Variants in ROBO2 observed in about 807,000 individuals in gnomAD.
The protein encoded by ROBO2 is roundabout guidance receptor 2, also known as roundabout homolog 2.
In ROBO2, 53 loss-of-function variants were observed where a neutral mutation model predicts 160.8. That is an observed-to-expected ratio of 0.33 (90% CI 0.26 to 0.41). The LOEUF is 0.41. Ranked by LOEUF, ROBO2 falls within the 10% of genes least tolerant of loss-of-function variation. The pLI is 1.00. For missense variants in ROBO2, 1,577 were observed against 1,722.4 expected, an observed-to-expected ratio of 0.92 and a Z score of 1.49; for synonymous variants, 664 against 611.7, an observed-to-expected ratio of 1.09 and a Z score of -1.26.
At chr3:77,402,742 C>T (rs1581669213) in intron 2 of ROBO2, among the ~76,000 whole-genome samples, 1 of 151,974 alleles carries the variant, frequency 6.6e-6, no homozygotes, top group East Asian at 1.9e-4. Context: ...TGAGGGCAGC[C>T]CACCATAGGG....
At chr3:76,229,093 T>G (rs1486886952) in intron 2 of ROBO2, among the ~76,000 whole-genome samples, 1 of 151,866 alleles carries the variant, frequency 6.6e-6, no homozygotes, top group Non-Finnish European at 1.5e-5. Flanking sequence ...GTATATCAGT[T>G]TCCACAATTT....
intron 2 of ROBO2, among the ~76,000 whole-genome samples, chr3:76,247,551 T>C (rs1337743209): frequency 6.6e-6 from 1 of 152,158 alleles, no homozygotes; most frequent in African/African-American, 2.4e-5. Flanking sequence ...TGGGCTTCTT[T>C]TAGTTTCTTA....
At chr3:77,553,976 AAAG>A (rs976009129) in intron 8 of ROBO2, among the ~76,000 whole-genome samples, 1 of 152,012 alleles carries the variant, frequency 6.6e-6, no homozygotes, top group African/African-American at 2.4e-5. Flanking sequence ...GCATATATTG[AAAG>A]AAGATGTTAC....
exon 26 of ROBO2, chr3:77,649,433 T>G (rs1375227835): frequency 6.6e-6 from 1 of 152,124 alleles, no homozygotes; most frequent in Non-Finnish European, 1.5e-5. Flanking sequence ...CTCTAAACTG[T>G]GGTTTATCTT....
chr3:77,052,176 G>A (rs1378693897), intron 1 of ROBO2, among the ~76,000 whole-genome samples: 1 of 152,300 alleles, frequency 6.6e-6, no homozygotes, highest in East Asian at 1.9e-4. Context: ...GTAAGAGAAA[G>A]AGGCAGAACA....
chr3:76,159,454 C>T (rs1374344300), intron 2 of ROBO2, among the ~76,000 whole-genome samples: 7 of 152,050 alleles, frequency 4.6e-5, no homozygotes, highest in African/African-American at 7.2e-5. Flanking sequence ...AATTAAAATC[C>T]ACACATTTTA....
intron 2 of ROBO2, among the ~76,000 whole-genome samples, chr3:77,231,165 G>A (rs183950999): frequency 3.9e-4 from 59 of 151,900 alleles, no homozygotes; most frequent in Middle Eastern, 3.4e-3. Flanking sequence ...AGGAGTTCGA[G>A]ACCCACCTGA....
chr3:76,509,389 G>A (rs2080962677), intron 2 of ROBO2, among the ~76,000 whole-genome samples: 1 of 152,154 alleles, frequency 6.6e-6, no homozygotes, highest in Admixed American at 6.5e-5. Flanking sequence ...CTTGGTTTTG[G>A]CAGCTCTTCT....
chr3:77,610,600 T>C (rs1468504184), intron 21 of ROBO2, among the ~76,000 whole-genome samples: 1 of 151,632 alleles, frequency 6.6e-6, no homozygotes, highest in Non-Finnish European at 1.5e-5. Flanking sequence ...GAGCCAAAAA[T>C]AAGGACAAAG....
chr3:77,032,166 C>A (rs1364954046), intron 2 of ROBO2, among the ~76,000 whole-genome samples: 1 of 152,062 alleles, frequency 6.6e-6, no homozygotes, highest in Non-Finnish European at 1.5e-5. Context: ...GGAGGGACTG[C>A]AAAAACATTC....
intron 3 of ROBO2, among the ~76,000 whole-genome samples, chr3:77,479,804 G>T (rs1008025116): frequency 9.9e-5 from 15 of 152,104 alleles, no homozygotes; most frequent in Non-Finnish European, 2.1e-4. Context: ...TCTGGCAATT[G>T]GTTGACTCTC....
chr3:76,718,512 A>G (rs1437931333), intron 2 of ROBO2, among the ~76,000 whole-genome samples: 1 of 152,152 alleles, frequency 6.6e-6, no homozygotes, highest in Non-Finnish European at 1.5e-5. Context: ...TGTTTTTCTC[A>G]ATTTTCATCT....
At chr3:77,042,706 C>T (rs2064221127) in intron 1 of ROBO2, among the ~76,000 whole-genome samples, 1 of 152,054 alleles carries the variant, frequency 6.6e-6, no homozygotes, top group Non-Finnish European at 1.5e-5. Context: ...TTCATTCCTC[C>T]CTCCCTTCTT....
At chr3:77,493,353 A>G (rs761225719) in exon 5 of ROBO2, 1 of 1,614,130 alleles carries the variant, frequency 6.2e-7, no homozygotes, top group Non-Finnish European at 8.5e-7. Flanking sequence ...TGAGGTGGAA[A>G]AAGGATGATG....
intron 2 of ROBO2, among the ~76,000 whole-genome samples, chr3:77,361,629 G>C (rs958754042): frequency 6.6e-6 from 1 of 152,022 alleles, no homozygotes; most frequent in African/African-American, 2.4e-5. Context: ...CTCACATAGT[G>C]GAAAGGAGGG....
chr3:77,092,018 AAT>A, intron 1 of ROBO2: 1 of 146,274 alleles, frequency 6.8e-6, no homozygotes, highest in South Asian at 2.1e-4. Context: ...TAAATAAATA[AAT>A]AAATAAAAAG....
chr3:76,185,258 A>G (rs1205214016), intron 2 of ROBO2, among the ~76,000 whole-genome samples: 1 of 112,190 alleles, frequency 8.9e-6, no homozygotes, highest in Non-Finnish European at 1.9e-5. Context: ...TGTAATATGG[A>G]TATACTGTCA....
intron 2 of ROBO2, among the ~76,000 whole-genome samples, chr3:76,653,571 A>C (rs941402362): frequency 6.6e-6 from 1 of 151,926 alleles, no homozygotes; most frequent in Non-Finnish European, 1.5e-5. Flanking sequence ...ATATCTTACT[A>C]TCCTGCTTTT....
chr3:76,238,790 C>A (rs1300165667), intron 2 of ROBO2, among the ~76,000 whole-genome samples: 1 of 152,132 alleles, frequency 6.6e-6, no homozygotes, highest in East Asian at 1.9e-4. Flanking sequence ...CACAGGTCTC[C>A]CCCTAGACAC....
Sources: gnomAD v4.1 joint callset for allele counts (sites outside exome capture counted in the v4.1 genomes callset) on GRCh38, gnomAD v4.1.1 for gene constraint, MANE v1.5 for transcripts, NCBI Gene and HGNC (gene_info 2026-07-23, HGNC 2026-07-21) for gene names.